GSK3B: variants seen among roughly 807,000 people sequenced by gnomAD.
GSK3B encodes glycogen synthase kinase 3 beta.
GSK3B carries 15 observed loss-of-function variants against 56.4 expected under a neutral mutation model. The observed-to-expected ratio is 0.27, with a 90% CI of 0.18 to 0.41. GSK3B has a LOEUF of 0.41. Ranked by LOEUF, GSK3B falls within the 10% of genes least tolerant of loss-of-function variation. The probability of loss-of-function intolerance (pLI) is 1.00; values close to 1 mark genes in which losing one functional copy is unlikely to be tolerated. For synonymous variants in GSK3B, 181 were observed against 188.9 expected, an observed-to-expected ratio of 0.96 and a Z score of 0.34; for missense variants, 300 against 513.4, an observed-to-expected ratio of 0.58 and a Z score of 4.02.
intron 1 of GSK3B, among the ~76,000 whole-genome samples, chr3:120,041,766 G>A (rs1353158063): frequency 2.0e-5 from 3 of 152,206 alleles, no homozygotes; most frequent in Admixed American, 1.3e-4. Context: ...GTTCTTTATA[G>A]ATGGCTCCTC....
intron 2 of GSK3B, among the ~76,000 whole-genome samples, chr3:119,976,048 TAAAA>T (rs1417236729): frequency 1.3e-5 from 2 of 152,132 alleles, no homozygotes. Context: ...ATGGGTATAA[TAAAA>T]AACTAGATAA....
intron 2 of GSK3B, among the ~76,000 whole-genome samples, chr3:119,975,722 C>T (rs1237743304): frequency 6.6e-6 from 1 of 152,076 alleles, no homozygotes; most frequent in African/African-American, 2.4e-5. Flanking sequence ...ACAGACTGTA[C>T]AACACAAAGA....
chr3:119,840,782 C>A (rs142917676), intron 10 of GSK3B, among the ~76,000 whole-genome samples: 2 of 152,062 alleles, frequency 1.3e-5, no homozygotes, highest in African/African-American at 4.8e-5. Context: ...AAAAAAGTAT[C>A]TATTTGAAAC....
intron 9 of GSK3B, among the ~76,000 whole-genome samples, chr3:119,860,611 A>G (rs1260383443): frequency 6.6e-6 from 1 of 152,206 alleles, no homozygotes; most frequent in Non-Finnish European, 1.5e-5. Context: ...ATCAAAATGC[A>G]GTTAGCTTTA....
intron 1 of GSK3B, among the ~76,000 whole-genome samples, chr3:120,064,856 T>C (rs956180416): frequency 3.9e-5 from 6 of 152,188 alleles, no homozygotes; most frequent in South Asian, 2.1e-4. Context: ...CATGTATCTA[T>C]GGTCAACTGA....
At chr3:119,954,917 C>T (rs143504555) in intron 2 of GSK3B, among the ~76,000 whole-genome samples, 2 of 152,088 alleles carry the variant, frequency 1.3e-5, no homozygotes, top group African/African-American at 4.8e-5. Context: ...GAAGAAACAA[C>T]CAGCAAGCTT....
At chr3:119,900,488 T>C (rs1418504385) in intron 7 of GSK3B, among the ~76,000 whole-genome samples, 1 of 152,136 alleles carries the variant, frequency 6.6e-6, no homozygotes, top group Non-Finnish European at 1.5e-5. Flanking sequence ...CTGAAATTCA[T>C]CTTACCTTAT....
intron 9 of GSK3B, among the ~76,000 whole-genome samples, chr3:119,857,398 CCT>C (rs2056037249): frequency 1.3e-5 from 2 of 152,238 alleles, no homozygotes; most frequent in South Asian, 4.1e-4. Context: ...TATTCTAAAT[CCT>C]CTGTTGTCAT....
In GSK3B at chr3:119,933,974, G is replaced by A. The variant is rs544328845; in HGVS notation, c.367-10491C>T. 7.2e-5 allele frequency among the ~76,000 whole-genome samples: 11 copies of A among 152,230 alleles called. No individual in the cohort carries two copies. In the South Asian group the frequency reaches 2.1e-3, roughly 29 times the overall value. The stretch of plus-strand genomic sequence containing the variant: ...CCAGTGGCCAAACCTGGGACAATGT[G>A]GCCAATAAAATAAATATCCACAAAT... On this transcript the variant is annotated intron_variant, in intron 3 of 10. Transcript: ENST00000264235.
intron 1 of GSK3B, among the ~76,000 whole-genome samples, chr3:120,063,449 G>A (rs1228678953): frequency 6.6e-6 from 1 of 152,132 alleles, no homozygotes; most frequent in Non-Finnish European, 1.5e-5. Flanking sequence ...AGTGCTGGCC[G>A]GGTGCAGTGG....
intron 8 of GSK3B, among the ~76,000 whole-genome samples, chr3:119,870,383 G>C (rs2056235700): frequency 6.6e-6 from 1 of 152,100 alleles, no homozygotes; most frequent in Admixed American, 6.5e-5. Flanking sequence ...CACAGCACTG[G>C]TTACATAGAA....
At chr3:120,028,641 G>T (rs778913186) in intron 1 of GSK3B, 124 of 325,334 alleles carry the variant, frequency 3.8e-4, no homozygotes, top group Non-Finnish European at 5.6e-4. Context: ...CCCCAAATAT[G>T]CTACTTTAAT....
At chr3:120,008,906 T>C (rs2057753357) in intron 1 of GSK3B, among the ~76,000 whole-genome samples, 1 of 151,058 alleles carries the variant, frequency 6.6e-6, no homozygotes. Flanking sequence ...AGAAACAGAA[T>C]GGGAGAAAAA....
chr3:119,941,934 T>C (rs925983587), intron 3 of GSK3B, among the ~76,000 whole-genome samples: 1 of 152,318 alleles, frequency 6.6e-6, no homozygotes, highest in African/African-American at 2.4e-5. Flanking sequence ...ATCCTTGGCA[T>C]ATATGTCACC....
At chr3:119,827,230 CCAT>C (rs2055525179) in intron 10 of GSK3B, among the ~76,000 whole-genome samples, 1 of 152,072 alleles carries the variant, frequency 6.6e-6, no homozygotes, top group Non-Finnish European at 1.5e-5. Context: ...AAAATTTGAA[CCAT>C]GTTACAATAT....
chr3:119,992,242 G>A (rs753104382), intron 2 of GSK3B, among the ~76,000 whole-genome samples: 10 of 151,936 alleles, frequency 6.6e-5, no homozygotes, highest in East Asian at 1.9e-4. Context: ...TAATCAAAAC[G>A]GTATAGTAGT....
At chr3:120,079,110 T>G (rs1355003489) in intron 1 of GSK3B, among the ~76,000 whole-genome samples, 2 of 151,072 alleles carry the variant, frequency 1.3e-5, no homozygotes, top group Non-Finnish European at 2.9e-5. Context: ...CCCAGCTAAT[T>G]TTTGTATTTT....
chr3:120,054,833 C>A (rs929981333), intron 1 of GSK3B, among the ~76,000 whole-genome samples: 3 of 152,180 alleles, frequency 2.0e-5, no homozygotes, highest in African/African-American at 7.2e-5. Flanking sequence ...AACACAGTGT[C>A]TTTGAAAGTG....
chr3:119,948,536 T>G (rs1440163435), intron 2 of GSK3B, among the ~76,000 whole-genome samples: 1 of 152,152 alleles, frequency 6.6e-6, no homozygotes, highest in African/African-American at 2.4e-5. Context: ...AAACAGAAAA[T>G]AAGTCAGAAA....
Sources: allele counts gnomAD v4.1 joint callset (sites outside exome capture counted in the v4.1 genomes callset), GRCh38; gene constraint gnomAD v4.1.1; transcripts MANE v1.5; gene names NCBI Gene and HGNC (gene_info 2026-07-23, HGNC 2026-07-21).